Variants in KIF6 observed in about 807,000 individuals in gnomAD.
The protein encoded by KIF6 is kinesin-like protein KIF6.
A neutral mutation model predicts 112.7 loss-of-function variants in KIF6; 106 were observed. The observed-to-expected ratio is 0.94, with a 90% confidence interval of 0.80 to 1.11. The LOEUF (loss-of-function observed/expected upper bound fraction) is 1.11. Among genes scored for constraint, KIF6 ranks in the 50% least tolerant of loss-of-function variants. The pLI is 0.00. For missense variants in KIF6, 929 were observed against 964.0 expected, an observed-to-expected ratio of 0.96 and a Z score of 0.48; for synonymous variants, 339 against 339.9, an observed-to-expected ratio of 1.00 and a Z score of 0.03.
intron 19 of KIF6, among the ~76,000 whole-genome samples, chr6:39,351,545 T>TC (rs1764248816): frequency 6.6e-6 from 1 of 152,108 alleles, no homozygotes; most frequent in Admixed American, 6.5e-5. Context: ...TGAACCACTG[T>TC]CCCTGGGCAA....
chr6:39,678,171 C>A (rs1013903908), intron 3 of KIF6, among the ~76,000 whole-genome samples: 1 of 150,886 alleles, frequency 6.6e-6, no homozygotes, highest in Non-Finnish European at 1.5e-5. Context: ...GGAGAGGATG[C>A]GGAGAAATAG....
At chr6:39,363,903 C>T (rs1765360636) in intron 16 of KIF6, among the ~76,000 whole-genome samples, 1 of 152,156 alleles carries the variant, frequency 6.6e-6, no homozygotes, top group Non-Finnish European at 1.5e-5. Context: ...ATGAGGAGCT[C>T]ACTACTTTGC....
chr6:39,590,294 CT>C, intron 7 of KIF6, among the ~76,000 whole-genome samples: 1 of 152,050 alleles, frequency 6.6e-6, no homozygotes, highest in African/African-American at 2.4e-5. Flanking sequence ...AACAAATTCA[CT>C]TTTTTTCCTG....
chr6:39,402,256 C>T (rs1274386196), intron 15 of KIF6, among the ~76,000 whole-genome samples: 1 of 152,116 alleles, frequency 6.6e-6, no homozygotes, highest in African/African-American at 2.4e-5. Context: ...TCAACCAACC[C>T]TGGCAGAGGT....
rs781037261 is a variant in KIF6, at chr6:39,613,190, T to C, written c.638A>G (p.Glu213Gly). The C allele has an allele frequency of 6.3e-7, 1 of 1,591,702 alleles. No individual in the cohort carries two copies. The highest frequency in any genetic ancestry group is 1.8e-5 in the Admixed American group (1 of 55,974). Reference protein sequence around the residue: ...FLGDTNRMIAETPMNQASTRS... With the variant: ...FLGDTNRMIAGTPMNQASTRS... ...AGCTTGCAGAGAGAAGTTTATTACCTCTGCAATCATTCGGTTGGTGTCTCC... is the reference window on the plus strand; with the variant it reads ...AGCTTGCAGAGAGAAGTTTATTACCCCTGCAATCATTCGGTTGGTGTCTCC... Residue 213 changes from glutamate (E) to glycine (G), a missense_variant and splice_region_variant, in exon 6 of 23, where the codon GAG becomes GGG. Physicochemically the swap from Glu to Gly is moderately conservative, Grantham distance 98. Around this residue, in one of 2 missense-constraint regions of KIF6, gnomAD observed 688 missense variants for 662.7 expected, o/e 1.04. Transcript: ENST00000287152.
chr6:39,409,736 G>A (rs980978142), intron 15 of KIF6, among the ~76,000 whole-genome samples: 9 of 152,178 alleles, frequency 5.9e-5, no homozygotes, highest in African/African-American at 2.2e-4. Flanking sequence ...TGGCGGCTGC[G>A]AGGAGGGCTA....
In KIF6 at chr6:39,521,667, C is replaced by T. The variant is rs78221907; in HGVS notation, c.1645+18336G>A. On this transcript the variant is annotated intron_variant, in intron 13 of 22. Coordinates refer to ENST00000287152, the MANE Select transcript of KIF6 (RefSeq NM_145027.6). The stretch of plus-strand genomic sequence containing the variant: ...TTTCTGGGCAGTACCTTGGTTCCAA[C>T]TTCCACAGGATGCTGTGATTTCAAT... Among the ~76,000 whole-genome samples, 1,404 of 152,306 alleles carry T rather than the reference C, an allele frequency of 9.2e-3. 23 individuals are homozygous for T. Among genetic ancestry groups the T allele is most frequent in the African/African-American group, 0.032 (1,343 of 41,566 alleles).
At chr6:39,719,876 A>C (rs1790100890) in intron 2 of KIF6, among the ~76,000 whole-genome samples, 1 of 152,142 alleles carries the variant, frequency 6.6e-6, no homozygotes, top group Admixed American at 6.5e-5. Flanking sequence ...CCAGCTATTC[A>C]GGAGGCTAAG....
intron 16 of KIF6, among the ~76,000 whole-genome samples, chr6:39,371,035 C>A (rs144386375): frequency 6.6e-6 from 1 of 152,174 alleles, no homozygotes; most frequent in East Asian, 1.9e-4. Flanking sequence ...ACAACCAGCT[C>A]TCTGGAAGAA....
chr6:39,689,410 C>T (rs1200744859), intron 3 of KIF6, among the ~76,000 whole-genome samples: 3 of 151,774 alleles, frequency 2.0e-5, no homozygotes, highest in East Asian at 2.0e-4. Flanking sequence ...GTGGGAGGAT[C>T]GCCTGAGCGT....
At chr6:39,363,041 C>T (rs949389801) in intron 16 of KIF6, among the ~76,000 whole-genome samples, 5 of 152,034 alleles carry the variant, frequency 3.3e-5, no homozygotes, top group Non-Finnish European at 7.4e-5. Flanking sequence ...CCCAGCTACT[C>T]GGGAGGCTGA....
At chr6:39,713,822 G>A (rs955400931) in intron 3 of KIF6, among the ~76,000 whole-genome samples, 2 of 152,186 alleles carry the variant, frequency 1.3e-5, no homozygotes, top group Non-Finnish European at 1.5e-5. Flanking sequence ...GGCATGGTTT[G>A]CATAGGATTC....
At chr6:39,427,366 C>T (rs1206520667) in intron 14 of KIF6, among the ~76,000 whole-genome samples, 1 of 152,172 alleles carries the variant, frequency 6.6e-6, no homozygotes, top group Non-Finnish European at 1.5e-5. Context: ...GTTGTTGAAA[C>T]CCTGCTTATG....
At chr6:39,641,242 G>C (rs1331649636) in intron 3 of KIF6, among the ~76,000 whole-genome samples, 3 of 151,920 alleles carry the variant, frequency 2.0e-5, no homozygotes, top group Non-Finnish European at 4.4e-5. Context: ...ATTGATTCTT[G>C]ATAGAAAGAA....
chr6:39,654,546 A>G (rs1785658264), intron 3 of KIF6, among the ~76,000 whole-genome samples: 1 of 152,204 alleles, frequency 6.6e-6, no homozygotes, highest in Non-Finnish European at 1.5e-5. Flanking sequence ...CCATTACTGA[A>G]AATACCTTTA....
chr6:39,582,807 G>A (rs1373283842), intron 9 of KIF6, among the ~76,000 whole-genome samples: 2 of 152,166 alleles, frequency 1.3e-5, no homozygotes, highest in African/African-American at 4.8e-5. Flanking sequence ...CATAGGAAAT[G>A]CCACCCAAGT....
chr6:39,637,008 T>C (rs1319203331), intron 4 of KIF6, among the ~76,000 whole-genome samples: 1 of 152,096 alleles, frequency 6.6e-6, no homozygotes, highest in Non-Finnish European at 1.5e-5. Flanking sequence ...ATAACAGATA[T>C]CAACTAATCA....
chr6:39,632,841 C>T (rs1030443370), intron 5 of KIF6, among the ~76,000 whole-genome samples: 2 of 152,042 alleles, frequency 1.3e-5, no homozygotes, highest in East Asian at 1.9e-4. Context: ...AGGATGGTCT[C>T]GATCTCCTGA....
intron 13 of KIF6, among the ~76,000 whole-genome samples, chr6:39,527,393 C>T (rs549740711): frequency 1.5e-4 from 23 of 152,086 alleles, no homozygotes; most frequent in Non-Finnish European, 2.8e-4. Context: ...ATTTCCTAAA[C>T]TATTTACTTG....
Sources: gnomAD v4.1 joint callset for allele counts (sites outside exome capture counted in the v4.1 genomes callset) on GRCh38, gnomAD v4.1.1 for gene constraint, gnomAD v4.1.1 regional missense constraint, MANE v1.5 for transcripts, NCBI Gene and HGNC (gene_info 2026-07-23, HGNC 2026-07-21) for gene names.